Variants in TEAD4 observed in about 807,000 individuals in gnomAD.
TEAD4 encodes the protein TEA domain transcription factor 4, also known as transcriptional enhancer factor TEF-3.
In TEAD4, 36 loss-of-function variants were observed where a neutral mutation model predicts 52.4. That is an observed-to-expected ratio of 0.69 (90% CI 0.53 to 0.91). TEAD4 has a LOEUF of 0.91. TEAD4 is among the 40% of genes least tolerant of loss of function. The pLI is 0.00. For synonymous variants in TEAD4, 220 were observed against 231.0 expected (o/e 0.95, Z 0.43); for missense variants, 508 against 583.9 (o/e 0.87, Z 1.34).
At chr12:2,987,711 C>T (rs150541204) in intron 2 of TEAD4, among the ~76,000 whole-genome samples, 22 of 151,632 alleles carry the variant, frequency 1.5e-4, no homozygotes, top group Middle Eastern at 6.8e-3. Flanking sequence ...CCTGAGCCAC[C>T]GTGCCCAGCC....
chr12:3,038,810 C>T (rs897156243), intron 11 of TEAD4, among the ~76,000 whole-genome samples: 5 of 152,178 alleles, frequency 3.3e-5, no homozygotes, highest in Admixed American at 3.3e-4. Flanking sequence ...GTTATCTTCA[C>T]TGTCCGTGAC....
intron 2 of TEAD4, among the ~76,000 whole-genome samples, chr12:2,968,052 C>G (rs1310665938): frequency 3.3e-5 from 5 of 150,982 alleles, no homozygotes; most frequent in Non-Finnish European, 7.4e-5. Context: ...CCTCTACCCC[C>G]AACCAGTGAT....
chr12:3,004,794 C>T (rs2098254537), intron 3 of TEAD4, among the ~76,000 whole-genome samples: 1 of 152,220 alleles, frequency 6.6e-6, no homozygotes, highest in African/African-American at 2.4e-5. Flanking sequence ...CGGCAGCTCC[C>T]TCTGTGTGTA....
intron 3 of TEAD4, among the ~76,000 whole-genome samples, chr12:2,998,534 C>T (rs770341679): frequency 3.3e-5 from 5 of 151,418 alleles, no homozygotes; most frequent in Middle Eastern, 3.4e-3. Context: ...GGGATGGGGA[C>T]GCTCGGGAGG....
chr12:3,023,766 C>A (rs944466212), intron 10 of TEAD4, among the ~76,000 whole-genome samples: 8 of 143,590 alleles, frequency 5.6e-5, no homozygotes, highest in Non-Finnish European at 1.2e-4. Flanking sequence ...GCATTCCAGC[C>A]TGGGCAACAG....
intron 3 of TEAD4, among the ~76,000 whole-genome samples, chr12:2,997,785 G>T (rs888522188): frequency 7.1e-6 from 1 of 141,216 alleles, no homozygotes; most frequent in Admixed American, 7.0e-5. Context: ...GGGACCAAGG[G>T]CTTTGAGGAC....
At chr12:3,020,116 A>T (rs1424895218) in intron 8 of TEAD4, among the ~76,000 whole-genome samples, 2 of 152,104 alleles carry the variant, frequency 1.3e-5, no homozygotes, top group African/African-American at 2.4e-5. Context: ...CTACAGTAGG[A>T]CTGGAGTAGG....
At chr12:2,993,735 C>T (rs530262962) in intron 2 of TEAD4, among the ~76,000 whole-genome samples, 2 of 152,304 alleles carry the variant, frequency 1.3e-5, no homozygotes, top group African/African-American at 4.8e-5. Flanking sequence ...GCCTCAGCCT[C>T]CCAAAGTGCT....
At chr12:2,987,166 A>G (rs2098239192) in intron 2 of TEAD4, among the ~76,000 whole-genome samples, 1 of 152,202 alleles carries the variant, frequency 6.6e-6, no homozygotes, top group African/African-American at 2.4e-5. Flanking sequence ...CACCTCAGGA[A>G]AGATACACAG....
chr12:3,020,494 G>A (rs71583735), intron 8 of TEAD4, 140 bp from the exon 9 acceptor site: 206 of 1,097,360 alleles, frequency 1.9e-4, no homozygotes, highest in Non-Finnish European at 1.6e-4. Flanking sequence ...CACCACCTCT[G>A]CTAGGAGGTC....
chr12:2,995,325 C>G (rs1191330286), intron 3 of TEAD4, among the ~76,000 whole-genome samples: 1 of 152,162 alleles, frequency 6.6e-6, no homozygotes, highest in Non-Finnish European at 1.5e-5. Flanking sequence ...AGCAGGCTGC[C>G]CACCTTGGCT....
At chr12:3,009,776 C>T (rs2098258782) in intron 3 of TEAD4, among the ~76,000 whole-genome samples, 4 of 152,264 alleles carry the variant, frequency 2.6e-5, no homozygotes, top group Admixed American at 6.5e-5. Context: ...TCTCCCCCCA[C>T]TCCTTCCTCT....
intron 3 of TEAD4, among the ~76,000 whole-genome samples, chr12:3,001,537 C>T (rs181882924): frequency 1.3e-5 from 2 of 152,140 alleles, no homozygotes; most frequent in African/African-American, 2.4e-5. Context: ...TTTGGGAGGC[C>T]GAGGCGGGTG....
intron 2 of TEAD4, among the ~76,000 whole-genome samples, chr12:2,979,598 T>C (rs1308448957): frequency 6.6e-6 from 1 of 152,148 alleles, no homozygotes; most frequent in Non-Finnish European, 1.5e-5. Flanking sequence ...GGAGTAGTGA[T>C]TTGGGGGTTA....
At chr12:2,965,658 T>G (rs1776774999) in intron 2 of TEAD4, among the ~76,000 whole-genome samples, 1 of 151,834 alleles carries the variant, frequency 6.6e-6, no homozygotes. Context: ...TTCACTCCAT[T>G]CTCCTGCCTC....
At chr12:2,981,430 A>G (rs1304667228) in intron 2 of TEAD4, among the ~76,000 whole-genome samples, 1 of 152,232 alleles carries the variant, frequency 6.6e-6, no homozygotes, top group African/African-American at 2.4e-5. Context: ...TCAGGCAATC[A>G]GTGTAGCAGC....
At chr12:2,987,535 C>T (rs377370668) in intron 2 of TEAD4, among the ~76,000 whole-genome samples, 10 of 151,966 alleles carry the variant, frequency 6.6e-5, no homozygotes, top group Non-Finnish European at 1.3e-4. Context: ...CCCGGGTTCA[C>T]GCCATTCTCC....
rs553074088 is a variant in TEAD4 at position 2,996,007 on chromosome 12, C to CAAA, written c.226+1029_226+1031dup. ...TGGGTGCCAGAGTGAGGCCCTGTTT[C>CAAA]AAAAAAAAAAAAAAAATGAAGCAAG... On this transcript the variant is annotated intron_variant, in intron 3 of 12. Coordinates refer to ENST00000359864, the MANE Select transcript of TEAD4 (RefSeq NM_003213.4). Among the ~76,000 whole-genome samples the CAAA allele has an allele frequency of 4.0e-3, 483 of 119,874 alleles. 3 individuals carry two copies. Among genetic ancestry groups the CAAA allele is most frequent in the African/African-American group, 0.012 (418 of 33,842 alleles). 78.6% of individuals were successfully genotyped at this position (119,874 alleles called of 152,430 possible). A position where few individuals can be genotyped will look rare whatever the true frequency, so the allele number is the denominator to read the frequency against.
At chr12:3,036,547 C>T (rs907926318) in intron 10 of TEAD4, among the ~76,000 whole-genome samples, 1 of 152,162 alleles carries the variant, frequency 6.6e-6, no homozygotes, top group Non-Finnish European at 1.5e-5. Flanking sequence ...CAGAAGAGTC[C>T]TTGGTGTCAG....
Sources: gnomAD v4.1 joint callset for allele counts (sites outside exome capture counted in the v4.1 genomes callset) on GRCh38, gnomAD v4.1.1 for gene constraint, MANE v1.5 for transcripts, NCBI Gene and HGNC (gene_info 2026-07-23, HGNC 2026-07-21) for gene names.